RASSF3: variants seen among roughly 807,000 people sequenced by gnomAD.
RASSF3 encodes the protein ras association domain-containing protein 3.
In RASSF3, 19 loss-of-function variants were observed where a neutral mutation model predicts 19.9. The ratio of observed to expected loss-of-function variants is 0.96; its 90% CI spans 0.67 to 1.40. The LOEUF is 1.40. Ranked by LOEUF, RASSF3 falls within the 40% of genes most tolerant of loss-of-function variation. RASSF3 has a pLI of 0.00. For synonymous variants in RASSF3, 110 were observed against 104.2 expected, an observed-to-expected ratio of 1.06 and a Z score of -0.34; for missense variants, 306 against 289.8, an observed-to-expected ratio of 1.06 and a Z score of -0.41.
At chr12:64,669,244 C>A (rs1274111388) in intron 1 of RASSF3, among the ~76,000 whole-genome samples, 1 of 152,046 alleles carries the variant, frequency 6.6e-6, no homozygotes, top group Non-Finnish European at 1.5e-5. Context: ...GAACAAGTTC[C>A]TAGGGGAGGA....
rs369203992 is a variant in RASSF3, at chr12:64,649,254, G to A, written c.112-35533G>A. On this transcript the variant is annotated intron_variant, in intron 1 of 4. Transcript: ENST00000542104. ...GTCGCCCAGGCTGGAGTGCAGTGGC[G>A]CGATCTCGGCTCACTGCAAGCTCCG... Among the ~76,000 whole-genome samples, 21 of 151,356 alleles carry A rather than the reference G, an allele frequency of 1.4e-4. No individual in the cohort carries two copies. The East Asian group carries it at 3.5e-3, about 25-fold the overall frequency.
exon 2 of RASSF3, chr12:64,541,583 G>A (rs1191370591): frequency 5.0e-6 from 2 of 398,496 alleles, no homozygotes; most frequent in Non-Finnish European, 8.8e-6. Flanking sequence ...TCTTTCAGAG[G>A]GTAAATATAT....
At chr12:64,545,148 G>GA (rs1163967597), downstream of RASSF3, among the ~76,000 whole-genome samples, 1 of 152,074 alleles carries the variant, frequency 6.6e-6, no homozygotes, top group Non-Finnish European at 1.5e-5. Flanking sequence ...TTCATGTCAG[G>GA]AAAAAAAGCT....
chr12:64,517,644 G>A (rs894992238), intron 1 of RASSF3, among the ~76,000 whole-genome samples: 2 of 150,894 alleles, frequency 1.3e-5, no homozygotes, highest in African/African-American at 4.9e-5. Context: ...TTTGACACAG[G>A]GTCTTGTTCT....
chr12:64,623,116 C>T (rs897828008), intron 1 of RASSF3, among the ~76,000 whole-genome samples: 8 of 152,048 alleles, frequency 5.3e-5, no homozygotes, highest in South Asian at 2.1e-4. Flanking sequence ...CCACCGCGCC[C>T]GGCCACCGTG....
chr12:64,684,854 A>T lies in RASSF3; in HGVS notation c.179A>T (p.Lys60Ile). The change falls in exon 2 of 5, where the codon AAA becomes ATA. Residue 60 changes from lysine to isoleucine, a missense_variant. Lys to Ile is a moderately radical substitution (Grantham distance 102, BLOSUM62 -3). Coordinates refer to ENST00000542104, the MANE Select transcript of RASSF3 (RefSeq NM_178169.4). The stretch of plus-strand genomic sequence containing the variant: ...GAGGAGATCAAAGAGAAAGTTCATA[A>T]ATACAACTTAGCAGTCACAGACAAG... ...SKEEIKEKVH[K>I]YNLAVTDKLK... 6.2e-7 allele frequency: 1 copy of T among 1,613,606 alleles called. No homozygotes were observed.
chr12:64,538,025 G>A (rs370760363), intron 1 of RASSF3, among the ~76,000 whole-genome samples: 5 of 149,996 alleles, frequency 3.3e-5, no homozygotes, highest in East Asian at 1.9e-4. Flanking sequence ...AGATCACTCC[G>A]TCACCCAGGC....
chr12:64,516,544 G>T (rs1271329515), intron 1 of RASSF3, among the ~76,000 whole-genome samples: 2 of 149,968 alleles, frequency 1.3e-5, no homozygotes, highest in Non-Finnish European at 3.0e-5. Flanking sequence ...GCGTGAACCC[G>T]GGAGGCGGAG....
chr12:64,532,725 A>C (rs1868740394), upstream of RASSF3, among the ~76,000 whole-genome samples: 1 of 151,700 alleles, frequency 6.6e-6, no homozygotes, highest in Admixed American at 6.6e-5. Flanking sequence ...GTTCCCAGCT[A>C]CTTGGGAGGC....
At chr12:64,691,627 CTA>C in intron 4 of RASSF3, 48 bp downstream of exon 4, 1 of 1,020,842 alleles carries the variant, frequency 9.8e-7, no homozygotes, top group Non-Finnish European at 1.4e-6. Flanking sequence ...ACAGCTGGCC[CTA>C]TTTTATTGCA....
intron 2 of RASSF3, among the ~76,000 whole-genome samples, chr12:64,552,546 G>A (rs184630684): frequency 6.6e-6 from 1 of 152,116 alleles, no homozygotes; most frequent in East Asian, 1.9e-4. Context: ...CTCCTGACAG[G>A]CCCCAGTGTG....
intron 2 of RASSF3, among the ~76,000 whole-genome samples, chr12:64,603,317 A>G (rs142589123): frequency 1.1e-4 from 16 of 152,266 alleles, no homozygotes; most frequent in African/African-American, 3.6e-4. Context: ...TTCATCAGGT[A>G]TATGCTTTCC....
At chr12:64,649,318 G>C (rs1351698732) in intron 1 of RASSF3, among the ~76,000 whole-genome samples, 1 of 151,844 alleles carries the variant, frequency 6.6e-6, no homozygotes, top group African/African-American at 2.4e-5. Flanking sequence ...TCAGCCTCTG[G>C]AGTAGCTGGG....
In RASSF3 at chr12:64,688,292, C is replaced by T; in HGVS notation, c.296C>T (p.Ser99Phe). ...LCKPPQTSPNSGKLSPSSNGC... is the reference protein window; with the variant it reads ...LCKPPQTSPNFGKLSPSSNGC... ...AAACCTCCACAGACTTCTCCAAATTCTGGAAAACTCTCTCCCAGTAGCAAT... is the reference window on the plus strand; with the variant it reads ...AAACCTCCACAGACTTCTCCAAATTTTGGAAAACTCTCTCCCAGTAGCAAT... The change falls in exon 3 of 5, where the codon TCT becomes TTT. Residue 99 changes from serine (S) to phenylalanine (F), a missense_variant. By Grantham distance (155) the Ser-to-Phe change is radical (BLOSUM62 -2). Transcript: ENST00000542104. 3.1e-6 allele frequency: 5 copies of T among 1,614,150 alleles called. No homozygotes were observed. The highest frequency in any genetic ancestry group is 4.2e-6 in the Non-Finnish European group (5 of 1,179,984).
chr12:64,520,594 A>ATATG (rs1868458684), intron 1 of RASSF3, among the ~76,000 whole-genome samples: 1 of 141,770 alleles, frequency 7.1e-6, no homozygotes, highest in Non-Finnish European at 1.5e-5. Context: ...ATATATATAT[A>ATATG]TGCACATATA....
At chr12:64,680,065 A>G (rs1873064948) in intron 1 of RASSF3, among the ~76,000 whole-genome samples, 3 of 152,008 alleles carry the variant, frequency 2.0e-5, no homozygotes, top group Non-Finnish European at 4.4e-5. Flanking sequence ...TGGAGCTACT[A>G]TGCCCCTCCT....
intron 1 of RASSF3, among the ~76,000 whole-genome samples, chr12:64,646,605 A>T (rs992595610): frequency 1.3e-5 from 2 of 152,232 alleles, no homozygotes; most frequent in Non-Finnish European, 2.9e-5. Context: ...CTGTAAGTTA[A>T]CATTGTCCAA....
chr12:64,639,577 A>G (rs1255563361), intron 1 of RASSF3, among the ~76,000 whole-genome samples: 2 of 152,188 alleles, frequency 1.3e-5, no homozygotes, highest in African/African-American at 4.8e-5. Flanking sequence ...ATAAATCATG[A>G]CAAGGTCTTT....
intron 3 of RASSF3, among the ~76,000 whole-genome samples, chr12:64,689,410 G>A (rs898745633): frequency 3.3e-5 from 5 of 151,958 alleles, no homozygotes; most frequent in African/African-American, 1.2e-4. Flanking sequence ...ACAAACCATG[G>A]GGCTAGACCC....
Sources: allele counts gnomAD v4.1 joint callset (sites outside exome capture counted in the v4.1 genomes callset), GRCh38; gene constraint gnomAD v4.1.1; transcripts MANE v1.5; gene names NCBI Gene and HGNC (gene_info 2026-07-23, HGNC 2026-07-21).